LAMA2: variants seen among roughly 807,000 people sequenced by gnomAD.
LAMA2 encodes the protein laminin subunit alpha 2.
Under a neutral mutation model 364.8 loss-of-function variants are expected in LAMA2, and 269 were observed. The observed-to-expected ratio is 0.74, with a 90% CI of 0.67 to 0.82. The LOEUF (loss-of-function observed/expected upper bound fraction) is 0.82. Among genes scored for constraint, LAMA2 ranks in the 40% least tolerant of loss-of-function variants. The pLI is 0.00. For synonymous variants in LAMA2, 1,379 were observed against 1,370.6 expected (o/e 1.01, Z -0.14); for missense variants, 3,807 against 3,873.2 (o/e 0.98, Z 0.45).
chr6:129,418,747 C>T (rs1490810953), intron 40 of LAMA2, among the ~76,000 whole-genome samples: 1 of 152,046 alleles, frequency 6.6e-6, no homozygotes, highest in Non-Finnish European at 1.5e-5. Context: ...GCTGTGTCAC[C>T]TAATGTACCA....
chr6:128,982,531 A>T (rs546482863), intron 1 of LAMA2, among the ~76,000 whole-genome samples: 1 of 152,258 alleles, frequency 6.6e-6, no homozygotes, highest in East Asian at 1.9e-4. Flanking sequence ...CAATTTTATG[A>T]GTGAAAATTG....
At chr6:129,286,315 C>T in intron 18 of LAMA2, among the ~76,000 whole-genome samples, 1 of 151,578 alleles carries the variant, frequency 6.6e-6, no homozygotes, top group Non-Finnish European at 1.5e-5. Context: ...TGTTCTGTTT[C>T]TCCTTTGGCA....
chr6:129,251,000 C>A (rs565809019), intron 13 of LAMA2, among the ~76,000 whole-genome samples: 2 of 149,506 alleles, frequency 1.3e-5, no homozygotes, highest in Non-Finnish European at 3.0e-5. Context: ...TGCTCTCTCT[C>A]TTTCTGTCTC....
intron 4 of LAMA2, among the ~76,000 whole-genome samples, chr6:129,099,984 T>C (rs1229930210): frequency 6.6e-6 from 1 of 152,226 alleles, no homozygotes; most frequent in Non-Finnish European, 1.5e-5. Flanking sequence ...TTTATTATTT[T>C]TTATCCTAGA....
intron 14 of LAMA2, among the ~76,000 whole-genome samples, chr6:129,256,766 ATATATATATATATATATAT>A (rs1786713051): frequency 1.1e-5 from 1 of 92,256 alleles, no homozygotes; most frequent in African/African-American, 3.6e-5. Flanking sequence ...TATATAGCAT[ATATATATATATATATATAT>A]ATATATATAT....
At chr6:129,162,149 C>G (rs189816911) in intron 8 of LAMA2, among the ~76,000 whole-genome samples, 1 of 152,286 alleles carries the variant, frequency 6.6e-6, no homozygotes, top group African/African-American at 2.4e-5. Context: ...TCTCTGCAAC[C>G]TCACCAGTAT....
intron 40 of LAMA2, among the ~76,000 whole-genome samples, chr6:129,406,039 A>G (rs961045718): frequency 3.3e-5 from 5 of 152,154 alleles, no homozygotes; most frequent in African/African-American, 1.2e-4. Flanking sequence ...GCAACCAACG[A>G]CCACTATGAA....
chr6:129,335,926 T>G (rs1562471539), intron 29 of LAMA2, among the ~76,000 whole-genome samples: 1 of 152,190 alleles, frequency 6.6e-6, no homozygotes, highest in Non-Finnish European at 1.5e-5. Flanking sequence ...GAATTATATC[T>G]TAGAGTCGGG....
At position 129,513,139 on chromosome 6, in the gene LAMA2, T is replaced by A. The variant is rs111788466; in HGVS notation, c.8988+646T>A. On this transcript the variant is annotated intron_variant, in intron 63 of 64. Transcript: ENST00000421865. ...ATTTCACAAGTTTTCTATTTGGTTATTAAATAGGAATCGTACTTCAACTCA... is the reference window on the plus strand; with the variant it reads ...ATTTCACAAGTTTTCTATTTGGTTAATAAATAGGAATCGTACTTCAACTCA... Among the ~76,000 whole-genome samples, 811 of 152,326 alleles carry A rather than the reference T, an allele frequency of 5.3e-3. 3 individuals are homozygous for A. The highest frequency in any genetic ancestry group is 8.6e-3 in the Non-Finnish European group (586 of 68,020).
chr6:129,227,984 A>T (rs1230502587), intron 12 of LAMA2, among the ~76,000 whole-genome samples: 1 of 152,132 alleles, frequency 6.6e-6, no homozygotes, highest in Non-Finnish European at 1.5e-5. Context: ...ACCCAGTTCA[A>T]GCTTCCCAGC....
chr6:129,395,422 G>T (rs1554288046), intron 37 of LAMA2, among the ~76,000 whole-genome samples: 1 of 152,104 alleles, frequency 6.6e-6, no homozygotes, highest in African/African-American at 2.4e-5. Context: ...TCAGTGATGA[G>T]CCCCCTTAGA....
chr6:129,492,724 T>C (rs1784937227), intron 58 of LAMA2, among the ~76,000 whole-genome samples: 1 of 152,214 alleles, frequency 6.6e-6, no homozygotes, highest in Non-Finnish European at 1.5e-5. Flanking sequence ...ATATCCAGAA[T>C]CATGAATAAA....
At chr6:129,239,238 C>T (rs1439972660) in intron 12 of LAMA2, among the ~76,000 whole-genome samples, 2 of 152,184 alleles carry the variant, frequency 1.3e-5, no homozygotes, top group Non-Finnish European at 1.5e-5. Flanking sequence ...ACTCCTGTCA[C>T]ACACAGCTAA....
At chr6:129,127,287 C>T (rs1331671777) in intron 4 of LAMA2, among the ~76,000 whole-genome samples, 1 of 152,168 alleles carries the variant, frequency 6.6e-6, no homozygotes, top group African/African-American at 2.4e-5. Flanking sequence ...TTCACTCACT[C>T]CTTCTAAGAA....
chr6:129,067,313 G>A (rs11970349), intron 3 of LAMA2, among the ~76,000 whole-genome samples: 2,876 of 152,270 alleles, frequency 0.019, 82 homozygotes, highest in African/African-American at 0.066. Flanking sequence ...ATTGTATATA[G>A]ATTTTTAAGA....
Position 129,047,094 on chromosome 6 carries a change from T to C in LAMA2, c.113-2824T>C, listed in dbSNP as rs2046214616. Reference sequence around the variant, plus strand: ...AAAATAAAATGTCTAAGATAGATAATGGCGTGGAGACCATCTAATTATTTT... The same window carrying C: ...AAAATAAAATGTCTAAGATAGATAACGGCGTGGAGACCATCTAATTATTTT... On this transcript the variant is annotated intron_variant, in intron 1 of 64. Transcript: ENST00000421865. Among the ~76,000 whole-genome samples, 3 of 152,154 alleles carry C rather than the reference T, an allele frequency of 2.0e-5. No homozygotes were observed. In the South Asian group the frequency reaches 6.2e-4, roughly 31 times the overall value.
chr6:129,356,974 T>C (rs1350490256), intron 32 of LAMA2, among the ~76,000 whole-genome samples: 2 of 152,046 alleles, frequency 1.3e-5, no homozygotes, highest in Admixed American at 6.6e-5. Context: ...CTAAAAGGAA[T>C]TATTTGGGAC....
intron 1 of LAMA2, among the ~76,000 whole-genome samples, chr6:128,915,737 G>T (rs1178987802): frequency 1.3e-5 from 2 of 152,238 alleles, no homozygotes; most frequent in South Asian, 4.1e-4. Context: ...TTGGAATGAC[G>T]TTTATGCAAG....
chr6:129,499,612 G>A (rs1785466998), intron 58 of LAMA2, among the ~76,000 whole-genome samples: 1 of 152,176 alleles, frequency 6.6e-6, no homozygotes, highest in South Asian at 2.1e-4. Flanking sequence ...AAAGAAGCTT[G>A]AGCAGCTGGA....
Sources: allele counts gnomAD v4.1 joint callset (sites outside exome capture counted in the v4.1 genomes callset), GRCh38; gene constraint gnomAD v4.1.1; transcripts MANE v1.5; gene names NCBI Gene and HGNC (gene_info 2026-07-23, HGNC 2026-07-21).